Variants in PVT1 observed in about 807,000 individuals in gnomAD.
PVT1 encodes the protein Pvt1 oncogene.
intron 4 of PVT1, among the ~76,000 whole-genome samples, chr8:128,047,765 TA>T (rs58108892): frequency 2.0e-5 from 3 of 151,688 alleles, no homozygotes; most frequent in African/African-American, 7.3e-5. Context: ...AAAAAATTAG[TA>T]AAAAAAAATC....
At chr8:127,880,689 C>T (rs566123493) in intron 2 of PVT1, among the ~76,000 whole-genome samples, 1 of 151,380 alleles carries the variant, frequency 6.6e-6, no homozygotes, top group South Asian at 2.1e-4. Context: ...CAACTTCCGC[C>T]TGCTGGGTTC....
In PVT1 at chr8:127,966,700, A is replaced by C. The variant is rs1367256578; in HGVS notation, n.783-22462A>C. 2.6e-5 allele frequency among the ~76,000 whole-genome samples: 4 copies of C among 152,206 alleles called. No homozygotes were observed. In the East Asian group the frequency reaches 7.7e-4, roughly 29 times the overall value. ...TTAATTTCAACAGACTTAAATTTAA[A>C]TAGCCCTCCCTATGTAGCCAGTGGC... is the stretch of plus-strand genomic sequence containing the variant. On this transcript the variant is annotated intron_variant and non_coding_transcript_variant, in intron 3 of 10. Coordinates refer to ENST00000651587, the Ensembl canonical transcript of PVT1.
chr8:127,864,334 G>A (rs1266756490), intron 2 of PVT1, among the ~76,000 whole-genome samples: 1 of 152,180 alleles, frequency 6.6e-6, no homozygotes, highest in Non-Finnish European at 1.5e-5. Flanking sequence ...GTCTGGGCAT[G>A]CTTCCAATCT....
Position 127,844,452 on chromosome 8 carries a change from A to C in PVT1, n.373-46137A>C, listed in dbSNP as rs568257097. Among the ~76,000 whole-genome samples, 8 of 152,232 alleles carry C rather than the reference A, an allele frequency of 5.3e-5. No homozygotes were observed. In the South Asian group the frequency reaches 1.5e-3, roughly 28 times the overall value. ...CTTGCCCATGAGGCCTTAGAAACTCAGCTTGTCTCCACCCATTCCTCTACA... is the reference window on the plus strand; with the variant it reads ...CTTGCCCATGAGGCCTTAGAAACTCCGCTTGTCTCCACCCATTCCTCTACA... On this transcript the variant is annotated intron_variant and non_coding_transcript_variant, in intron 2 of 10. Transcript: ENST00000651587.
At chr8:127,923,268 G>T (rs1816087392) in intron 3 of PVT1, among the ~76,000 whole-genome samples, 1 of 152,234 alleles carries the variant, frequency 6.6e-6, no homozygotes, top group African/African-American at 2.4e-5. Context: ...ATGCTCACAA[G>T]CAACTCTGCG....
At chr8:127,941,115 C>T (rs1237974495) in intron 3 of PVT1, among the ~76,000 whole-genome samples, 4 of 152,226 alleles carry the variant, frequency 2.6e-5, no homozygotes, top group South Asian at 2.1e-4. Flanking sequence ...GAAGCCTCCT[C>T]GCTAGGCTTG....
At chr8:128,062,266 A>T (rs1813840316) in intron 4 of PVT1, among the ~76,000 whole-genome samples, 1 of 152,236 alleles carries the variant, frequency 6.6e-6, no homozygotes, top group Admixed American at 6.5e-5. Context: ...CTCAATTGCT[A>T]CAAAACCTAC....
intron 5 of PVT1, among the ~76,000 whole-genome samples, chr8:128,072,435 G>C (rs1444857693): frequency 2.0e-5 from 3 of 152,164 alleles, no homozygotes; most frequent in Non-Finnish European, 4.4e-5. Flanking sequence ...TTTCATTATA[G>C]TTCCTCCCAG....
At chr8:127,851,275 C>G (rs781322494) in intron 2 of PVT1, among the ~76,000 whole-genome samples, 1 of 152,078 alleles carries the variant, frequency 6.6e-6, no homozygotes, top group East Asian at 1.9e-4. Flanking sequence ...GGAGTGGGTG[C>G]TCTTCTGAGG....
intron 2 of PVT1, among the ~76,000 whole-genome samples, chr8:127,875,846 G>A (rs774649282): frequency 3.9e-5 from 6 of 152,208 alleles, no homozygotes; most frequent in Non-Finnish European, 7.4e-5. Context: ...GTAAGGGCAG[G>A]TCGTGGGCTC....
chr8:128,071,064 G>A (rs1813980834), intron 5 of PVT1, among the ~76,000 whole-genome samples: 1 of 152,156 alleles, frequency 6.6e-6, no homozygotes, highest in Admixed American at 6.5e-5. Flanking sequence ...ACTCATACAT[G>A]TCCATTGCTT....
chr8:127,822,030 G>A (rs1184543705), intron 2 of PVT1, among the ~76,000 whole-genome samples: 1 of 152,146 alleles, frequency 6.6e-6, no homozygotes, highest in Non-Finnish European at 1.5e-5. Context: ...TGACTAAATT[G>A]TTTAAACTCT....
chr8:127,923,424 G>A (rs1563640520), intron 3 of PVT1, among the ~76,000 whole-genome samples: 1 of 152,214 alleles, frequency 6.6e-6, no homozygotes, highest in Non-Finnish European at 1.5e-5. Context: ...CGTTCAGGTT[G>A]GGGCCTGGTG....
At chr8:127,812,301 G>C (rs941068258) in intron 2 of PVT1, among the ~76,000 whole-genome samples, 5 of 138,342 alleles carry the variant, frequency 3.6e-5, no homozygotes, top group African/African-American at 6.1e-5. Flanking sequence ...AGAATGAAAG[G>C]CTGGGCGTGG....
At chr8:127,819,371 G>A (rs558180841) in intron 2 of PVT1, among the ~76,000 whole-genome samples, 16 of 152,314 alleles carry the variant, frequency 1.1e-4, no homozygotes, top group Admixed American at 5.9e-4. Context: ...TTTGCTCTGA[G>A]CACTCTGCAT....
chr8:128,071,411 G>A (rs1336003531), intron 5 of PVT1, among the ~76,000 whole-genome samples: 1 of 152,136 alleles, frequency 6.6e-6, no homozygotes, highest in Non-Finnish European at 1.5e-5. Context: ...GATGTGTGCA[G>A]CAGGTCATGC....
chr8:127,804,058 T>C (rs1026384472), intron 2 of PVT1, among the ~76,000 whole-genome samples: 1 of 151,990 alleles, frequency 6.6e-6, no homozygotes, highest in African/African-American at 2.4e-5. Context: ...CTTGGTGGCA[T>C]GTACCTGTAG....
intron 4 of PVT1, among the ~76,000 whole-genome samples, chr8:128,026,578 C>G (rs374950594): frequency 2.6e-4 from 39 of 152,258 alleles, no homozygotes; most frequent in African/African-American, 9.4e-4. Flanking sequence ...CAACCTGTCT[C>G]TCTGCATGCC....
intron 2 of PVT1, among the ~76,000 whole-genome samples, chr8:127,864,693 G>A (rs1426010220): frequency 2.6e-5 from 4 of 151,976 alleles, no homozygotes; most frequent in African/African-American, 7.3e-5. Flanking sequence ...GACTACAGGC[G>A]CCCACCACCA....
Sources: allele counts gnomAD v4.1 joint callset (sites outside exome capture counted in the v4.1 genomes callset), GRCh38; gene constraint gnomAD v4.1.1; transcripts MANE v1.5; gene names NCBI Gene and HGNC (gene_info 2026-07-23, HGNC 2026-07-21).